WWP2: variants seen among roughly 807,000 people sequenced by gnomAD.
The protein encoded by WWP2 is WW domain containing E3 ubiquitin protein ligase 2.
A neutral mutation model predicts 121.0 loss-of-function variants in WWP2; 57 were observed. The ratio of observed to expected loss-of-function variants is 0.47; its 90% CI spans 0.38 to 0.59. WWP2 has a LOEUF of 0.59. WWP2 is among the 20% of genes least tolerant of loss of function. The pLI is 0.00. For synonymous variants in WWP2, 449 were observed against 441.3 expected (o/e 1.02, Z -0.22); for missense variants, 962 against 1,158.9 (o/e 0.83, Z 2.47).
At chr16:69,765,475 TATA>T (rs1008450322) in intron 1 of WWP2, among the ~76,000 whole-genome samples, 4 of 152,236 alleles carry the variant, frequency 2.6e-5, no homozygotes, top group African/African-American at 9.6e-5. Flanking sequence ...GATAACTAAG[TATA>T]ATATGTATTA....
At chr16:69,855,036 T>C (rs2057285450) in intron 6 of WWP2, among the ~76,000 whole-genome samples, 1 of 151,834 alleles carries the variant, frequency 6.6e-6, no homozygotes, top group Non-Finnish European at 1.5e-5. Flanking sequence ...TTAAAATTTT[T>C]TGTAGAGATA....
At chr16:69,820,209 G>T (rs191149637) in intron 4 of WWP2, among the ~76,000 whole-genome samples, 1 of 152,154 alleles carries the variant, frequency 6.6e-6, no homozygotes, top group Non-Finnish European at 1.5e-5. Flanking sequence ...CTCCAGCCTG[G>T]GTGACAGAGT....
chr16:69,903,629 G>A (rs1318922059), intron 8 of WWP2, among the ~76,000 whole-genome samples: 1 of 152,062 alleles, frequency 6.6e-6, no homozygotes, highest in Non-Finnish European at 1.5e-5. Context: ...TTAGCCAGGT[G>A]TGGTGGCGCA....
chr16:69,833,622 T>C (rs1247037960), intron 4 of WWP2, among the ~76,000 whole-genome samples: 1 of 152,250 alleles, frequency 6.6e-6, no homozygotes, highest in East Asian at 1.9e-4. Context: ...CAGTTATTAC[T>C]TAGAACAGAA....
At chr16:69,849,193 C>T (rs1306173127) in intron 6 of WWP2, among the ~76,000 whole-genome samples, 3 of 152,026 alleles carry the variant, frequency 2.0e-5, no homozygotes, top group African/African-American at 4.8e-5. Flanking sequence ...CCTGGGAGGG[C>T]CGGGGGAGAA....
rs2057521623 is a variant in WWP2, at chr16:69,866,275, TTTATTTA to T, written c.576-5526_576-5520del. Among the ~76,000 whole-genome samples, 4 of 5,666 alleles carry T rather than the reference TTTATTTA, an allele frequency of 7.1e-4. No individual in the cohort carries two copies. In the African/African-American group the frequency reaches 0.018, roughly 25 times the overall value. The allele number at this position is 5,666 out of a possible 152,430, so 3.7% of individuals were successfully genotyped here. A position where few individuals can be genotyped will look rare whatever the true frequency, so the allele number is the denominator to read the frequency against. On this transcript the variant is annotated intron_variant, in intron 6 of 23. Transcript: ENST00000359154. ...TTTTAAAAAAAGGTTTCACATTTTA[TTTATTTA>T]TTTATTTATTTATTTATTTATTTAT... is the stretch of plus-strand genomic sequence containing the variant.
chr16:69,828,919 G>A (rs1057299759), intron 4 of WWP2, among the ~76,000 whole-genome samples: 6 of 152,042 alleles, frequency 3.9e-5, no homozygotes, highest in African/African-American at 1.4e-4. Flanking sequence ...CGTATCTGAC[G>A]ACTCTCTTGG....
chr16:69,885,419 C>T (rs1167566291), intron 7 of WWP2, among the ~76,000 whole-genome samples: 1 of 152,100 alleles, frequency 6.6e-6, no homozygotes, highest in Non-Finnish European at 1.5e-5. Flanking sequence ...GCCTGTGTAC[C>T]AGGCAATATT....
intron 10 of WWP2, among the ~76,000 whole-genome samples, chr16:69,923,622 A>T (rs1488819104): frequency 6.6e-6 from 1 of 152,196 alleles, no homozygotes; most frequent in Non-Finnish European, 1.5e-5. Flanking sequence ...AACGCTTTAC[A>T]GATGATCTAC....
chr16:69,798,833 A>G lies in WWP2; in HGVS notation c.218+4A>G, dbSNP rs1263271957. The stretch of plus-strand genomic sequence containing the variant: ...TCTGGAATGAGATCATCATTTTGTA[A>G]GAGAAAGCCCCTTCTTTTTGAACGC... On this transcript the variant is annotated splice_donor_region_variant and intron_variant, in intron 3 of 23. Coordinates refer to ENST00000359154, the MANE Select transcript of WWP2 (RefSeq NM_001270454.2). The G allele has an allele frequency of 1.9e-6, 3 of 1,613,674 alleles. No individual in the cohort carries two copies. The highest frequency in any genetic ancestry group is 2.5e-6 in the Non-Finnish European group (3 of 1,179,794).
At chr16:69,934,509 T>C (rs1200252326) in intron 17 of WWP2, among the ~76,000 whole-genome samples, 1 of 151,496 alleles carries the variant, frequency 6.6e-6, no homozygotes, top group Non-Finnish European at 1.5e-5. Flanking sequence ...CCACAGACTT[T>C]ACTGAACATT....
At chr16:69,869,908 T>C (rs139960097) in intron 6 of WWP2, among the ~76,000 whole-genome samples, 50 of 152,350 alleles carry the variant, frequency 3.3e-4, no homozygotes, top group African/African-American at 1.2e-3. Context: ...GTCGTTCTGC[T>C]GGAGGTGGAT....
chr16:69,918,719 C>T (rs1024294371), intron 10 of WWP2, among the ~76,000 whole-genome samples: 12 of 152,238 alleles, frequency 7.9e-5, no homozygotes, highest in African/African-American at 2.7e-4. Context: ...CTCTTCCAAT[C>T]CATCTGGCCT....
At chr16:69,826,520 C>T (rs1212055320) in intron 4 of WWP2, among the ~76,000 whole-genome samples, 2 of 143,022 alleles carry the variant, frequency 1.4e-5, no homozygotes, top group Admixed American at 7.5e-5. Flanking sequence ...TGCAGTAAGC[C>T]GAAATAGTGC....
intron 9 of WWP2, chr16:69,909,118 G>T (rs551458716): frequency 1.7e-6 from 2 of 1,143,446 alleles, no homozygotes; most frequent in South Asian, 3.4e-5. Context: ...CCTATGCCCA[G>T]CCTGTCCCTA....
At chr16:69,939,500 G>A (rs527253777) in intron 23 of WWP2, 87 bp downstream of exon 23, 13 of 1,428,040 alleles carry the variant, frequency 9.1e-6, no homozygotes, top group Admixed American at 3.6e-5. Context: ...CAGCTTCATA[G>A]CCTCGAGTCT....
chr16:69,799,332 G>A lies in WWP2; in HGVS notation c.340+37G>A. The A allele has an allele frequency of 6.2e-7, 1 of 1,601,790 alleles. No homozygotes were observed. The highest frequency in any genetic ancestry group is 1.1e-5 in the South Asian group (1 of 89,380). ...GAAGGGGGTGCCGACGTGATTCTTGGGTGGGGATGGGAGGACCTGGCAGAT... is the reference window on the plus strand; with the variant it reads ...GAAGGGGGTGCCGACGTGATTCTTGAGTGGGGATGGGAGGACCTGGCAGAT... On this transcript the variant is annotated intron_variant, in intron 4 of 23. Transcript: ENST00000359154. This position sits in a 1 kb window ranked among gnomAD's most constrained non-coding sequence, Gnocchi z 4.5.
At chr16:69,866,034 C>T (rs947313606) in intron 6 of WWP2, among the ~76,000 whole-genome samples, 5 of 152,132 alleles carry the variant, frequency 3.3e-5, no homozygotes, top group African/African-American at 7.2e-5. Flanking sequence ...GGGGGTGTAA[C>T]GAGGTGTCTC....
At chr16:69,823,988 G>C (rs1424102235) in intron 4 of WWP2, among the ~76,000 whole-genome samples, 1 of 152,192 alleles carries the variant, frequency 6.6e-6, no homozygotes, top group Non-Finnish European at 1.5e-5. Flanking sequence ...TGCAGGCCGG[G>C]AATGGTGGCC....
Sources: allele counts gnomAD v4.1 joint callset (sites outside exome capture counted in the v4.1 genomes callset), GRCh38; gene constraint gnomAD v4.1.1; non-coding constraint Gnocchi (gnomAD v3.1); transcripts MANE v1.5; gene names NCBI Gene and HGNC (gene_info 2026-07-23, HGNC 2026-07-21).